The following GSTT4 variants were observed in gnomAD, a reference collection of about 807,000 sequenced individuals.
GSTT4 encodes glutathione S-transferase theta-4.
In GSTT4 at chr22:23,998,493, C is replaced by CCAGATTGCTAAGG. The variant is rs2034151001; in HGVS notation, c.*48_*49insCCTTAGCAATCTG. The CCAGATTGCTAAGG allele has an allele frequency of 3.1e-5, 3 of 98,278 alleles. No individual in the cohort carries two copies. The highest frequency in any genetic ancestry group is 6.8e-4 in the South Asian group (2 of 2,944). 6.1% of individuals were successfully genotyped at this position (98,278 alleles called of 1,614,324 possible). ...TTAACATTTCCTTTAAGGAAGGTGG[C>CCAGATTGCTAAGG]TCAGATTGCTAAGCCAGCCAGGCCC... On this transcript the variant is annotated 3_prime_UTR_variant, in exon 5 of 5. Coordinates refer to ENST00000621179, the MANE Select transcript of GSTT4 (RefSeq NM_001358664.2).
At chr22:23,994,792 T>C (rs1048117414), downstream of GSTT4, among the ~76,000 whole-genome samples, 3 of 152,080 alleles carry the variant, frequency 2.0e-5, no homozygotes, top group African/African-American at 7.3e-5. Context: ...TGTGGGTACT[T>C]TTCTAGTTTT....
At chr22:24,002,068 G>A (rs1388857752) in intron 2 of GSTT4, among the ~76,000 whole-genome samples, 4 of 152,270 alleles carry the variant, frequency 2.6e-5, no homozygotes, top group African/African-American at 7.2e-5. Flanking sequence ...AAGAGAGTAG[G>A]GGGTTGCAAC....
intron 2 of GSTT4, among the ~76,000 whole-genome samples, chr22:24,002,967 G>T (rs937751091): frequency 6.6e-6 from 1 of 152,230 alleles, no homozygotes; most frequent in Non-Finnish European, 1.5e-5. Flanking sequence ...AATTTTATGA[G>T]GTATCTTAAT....
downstream of GSTT4, among the ~76,000 whole-genome samples, chr22:23,994,308 G>T (rs1269333782): frequency 6.6e-6 from 1 of 151,794 alleles, no homozygotes; most frequent in Non-Finnish European, 1.5e-5. Flanking sequence ...CAATTCAGTG[G>T]TTTTTAGTAT....
chr22:23,992,445 C>A, the GSTT4 span, among the ~76,000 whole-genome samples: 2 of 150,340 alleles, frequency 1.3e-5, no homozygotes, highest in African/African-American at 2.5e-5. Flanking sequence ...TAGGGATAAG[C>A]CTTGCTTCCA....
At chr22:23,993,436 C>G (rs2034086663), downstream of GSTT4, among the ~76,000 whole-genome samples, 1 of 152,148 alleles carries the variant, frequency 6.6e-6, no homozygotes, top group African/African-American at 2.4e-5. Flanking sequence ...CTAACAGGCT[C>G]CCACCCCCAA....
intron 2 of GSTT4, among the ~76,000 whole-genome samples, chr22:24,002,780 A>G (rs1042777755): frequency 2.3e-4 from 10 of 42,884 alleles, no homozygotes; most frequent in South Asian, 1.1e-3. Flanking sequence ...GCAGTGAGCC[A>G]AGATAGCGCC....
the GSTT4 span, among the ~76,000 whole-genome samples, chr22:23,989,625 C>T: frequency 4.0e-5 from 6 of 150,076 alleles, no homozygotes; most frequent in Non-Finnish European, 8.9e-5. Flanking sequence ...AACATGTTCC[C>T]AACCCTCAGA....
At chr22:24,002,182 G>C (rs587665407) in intron 2 of GSTT4, among the ~76,000 whole-genome samples, 7,250 of 150,570 alleles carry the variant, frequency 0.048, no homozygotes, top group African/African-American at 0.17. Flanking sequence ...TGGACTTAAT[G>C]CTTAAGATTA....
At chr22:23,993,736 C>T (rs2034089506), downstream of GSTT4, among the ~76,000 whole-genome samples, 1 of 152,146 alleles carries the variant, frequency 6.6e-6, no homozygotes, top group Non-Finnish European at 1.5e-5. Context: ...AGACACCAAT[C>T]TCTACCTGGG....
In GSTT4 at chr22:24,000,118, T is replaced by C. The variant is rs954401418; in HGVS notation, c.485A>G (p.Gln162Arg). ...GGCCACCAGGTCAGCCAGTGAGATT[T>C]GGTTCCCGGTGATGAACATCTTATC... Reference protein sequence around the residue: ...LQDKMFITGNQISLADLVAVV... With the variant: ...LQDKMFITGNRISLADLVAVV... Residue 162 changes from glutamine to arginine, a missense_variant, in exon 4 of 5, where the codon CAA becomes CGA. Gln to Arg is a conservative substitution (Grantham distance 43). Transcript: ENST00000621179. 1 of 156,310 alleles carries C rather than the reference T, an allele frequency of 6.4e-6. No homozygotes were observed. The highest frequency in any genetic ancestry group is 2.4e-5 in the African/African-American group (1 of 41,556). The allele number at this position is 156,310 out of a possible 1,614,324, so 9.7% of individuals were successfully genotyped here. A position where few individuals can be genotyped will look rare whatever the true frequency, so the allele number is the denominator to read the frequency against.
At chr22:23,990,920 C>T in the GSTT4 span, among the ~76,000 whole-genome samples, 6,693 of 100,592 alleles carry the variant, frequency 0.067, 1,190 homozygotes, top group African/African-American at 0.19. Flanking sequence ...CCTGTAATCC[C>T]AACACTTTGG....
chr22:24,000,214 G>A lies in GSTT4; in HGVS notation c.389C>T (p.Ala130Val), dbSNP rs2146228156. The A allele has an allele frequency of 6.5e-6, 1 of 154,458 alleles. No homozygotes were observed. The highest frequency in any genetic ancestry group is 1.9e-4 in the East Asian group (1 of 5,186). The allele number at this position is 154,458 out of a possible 1,614,324, so 9.6% of individuals were successfully genotyped here. Residue 130 changes from alanine to valine, a missense_variant, in exon 4 of 5, where the codon GCT (alanine) becomes GTT (valine). Transcript: ENST00000621179. ...IPKITGEEVS[A>V]EKMEHAVEEV... ...TTCCACTGCATGCTCCATCTTCTCA[G>A]CTGAAACTTCCTCCCCTGTTATCTT...
At chr22:23,993,043 G>T in the GSTT4 span, among the ~76,000 whole-genome samples, 1 of 149,898 alleles carries the variant, frequency 6.7e-6, no homozygotes, top group African/African-American at 2.5e-5. Flanking sequence ...ACAGTGCTGG[G>T]ATTATAGGTG....
chr22:23,989,431 G>A, the GSTT4 span, among the ~76,000 whole-genome samples: 1 of 140,794 alleles, frequency 7.1e-6, no homozygotes, highest in Admixed American at 7.3e-5. Context: ...ATGGCTCAAG[G>A]ACAATTCCCT....
At chr22:23,993,064 C>T in the GSTT4 span, among the ~76,000 whole-genome samples, 1 of 145,932 alleles carries the variant, frequency 6.9e-6, no homozygotes, top group Non-Finnish European at 1.5e-5. Flanking sequence ...TGATCCACCA[C>T]CCCTGGCCTC....
At chr22:23,994,937 G>T (rs954975450), downstream of GSTT4, among the ~76,000 whole-genome samples, 5 of 152,078 alleles carry the variant, frequency 3.3e-5, no homozygotes, top group African/African-American at 4.8e-5. Flanking sequence ...TGGTTGTGAG[G>T]ATTAAACAAG....
chr22:23,991,925 C>T, the GSTT4 span, among the ~76,000 whole-genome samples: 6 of 145,276 alleles, frequency 4.1e-5, no homozygotes, highest in Admixed American at 2.1e-4. Context: ...GGGTGGCGGG[C>T]GCCTGTAGTC....
chr22:24,002,289 A>C (rs2034248196), intron 2 of GSTT4, among the ~76,000 whole-genome samples: 1 of 152,268 alleles, frequency 6.6e-6, no homozygotes, highest in Non-Finnish European at 1.5e-5. Context: ...GGGGCCAGCA[A>C]CTATCGGGAA....
Sources: gnomAD v4.1 joint callset for allele counts (sites outside exome capture counted in the v4.1 genomes callset) on GRCh38, gnomAD v4.1.1 for gene constraint, MANE v1.5 for transcripts, NCBI Gene and HGNC (gene_info 2026-07-23, HGNC 2026-07-21) for gene names.